Variants in LAMB2 observed in about 807,000 individuals in gnomAD.
The protein encoded by LAMB2 is laminin subunit beta-2.
A neutral mutation model predicts 202.7 loss-of-function variants in LAMB2; 119 were observed. The ratio of observed to expected loss-of-function variants is 0.59; its 90% CI spans 0.51 to 0.68. The LOEUF is 0.68. LAMB2 is among the 30% of genes least tolerant of loss of function. LAMB2 has a pLI of 0.00. For synonymous variants in LAMB2, 818 were observed against 902.2 expected (o/e 0.91, Z 1.67); for missense variants, 2,124 against 2,410.6 (o/e 0.88, Z 2.49).
rs1192112637 is a variant in LAMB2, at chr3:49,125,971, G to A, written c.2340C>T (p.Ala780=). ...ISLSTLIYNG[A]LPCQCNPQGS... ...ACCCACATCACAGACACTCACGCAG[G>A]GCACCATTGTAGATGAGGGTGGACA... is the stretch of plus-strand genomic sequence containing the variant. Residue 780 remains alanine, a synonymous_variant, in exon 17 of 32, where the codon GCC becomes GCT. Coordinates refer to ENST00000305544, the MANE Select transcript of LAMB2 (RefSeq NM_002292.4). 6.2e-7 allele frequency: 1 copy of A among 1,614,042 alleles called. No individual in the cohort carries two copies. The highest frequency in any genetic ancestry group is 1.3e-5 in the African/African-American group (1 of 74,920).
In LAMB2 at chr3:49,129,348, G is replaced by T; in HGVS notation, c.1519-24C>A. On this transcript the variant is annotated intron_variant, in intron 11 of 31. Coordinates refer to ENST00000305544, the MANE Select transcript of LAMB2 (RefSeq NM_002292.4). This position sits in a 1 kb window ranked among gnomAD's most constrained non-coding sequence, Gnocchi z 6.1. ...GGCTGCACGAAAGGAGTTGCTGGGGGCCAGAAACAGACCTCCAGACCCCAT... is the reference window on the plus strand; with the variant it reads ...GGCTGCACGAAAGGAGTTGCTGGGGTCCAGAAACAGACCTCCAGACCCCAT... The T allele has an allele frequency of 6.2e-7, 1 of 1,603,238 alleles. No individual in the cohort carries two copies. The highest frequency in any genetic ancestry group is 8.5e-7 in the Non-Finnish European group (1 of 1,173,176).
Position 49,121,762 on chromosome 3 carries a change from C to T in LAMB2, c.5022G>A (p.Arg1674=). 1 of 1,613,706 alleles carries T rather than the reference C, an allele frequency of 6.2e-7. No individual in the cohort carries two copies. The highest frequency in any genetic ancestry group is 8.5e-7 in the Non-Finnish European group (1 of 1,180,022). ...TAGAGGCTGCCAGACTATTTCCTGC[C>T]CGTTTCAATTTCAGAGCCTCCAGGA... ...DALLEALKLK[R]AGNSLAASTA... The change falls in exon 30 of 32, where the codon CGG becomes CGA. Residue 1674 remains arginine (R), a synonymous_variant. Coordinates refer to ENST00000305544, the MANE Select transcript of LAMB2 (RefSeq NM_002292.4).
At position 49,126,170 on chromosome 3, in the gene LAMB2, G is replaced by A. The variant is rs1202402379; in HGVS notation, c.2152-11C>T. 1.2e-6 allele frequency: 2 copies of A among 1,611,242 alleles called. No homozygotes were observed. Among genetic ancestry groups the A allele is most frequent in the African/African-American group, 2.7e-5 (2 of 75,016 alleles). ...GGGCAGCAGCACCAGCTGAAGGAGT[G>A]AGCAAGGAAGATCGCAGTTCAGACC... On this transcript the variant is annotated splice_polypyrimidine_tract_variant and intron_variant, in intron 16 of 31. Transcript: ENST00000305544.
At position 49,122,067 on chromosome 3, in the gene LAMB2, C is replaced by T. The variant is rs2107630085; in HGVS notation, c.4800G>A (p.Glu1600=). The stretch of plus-strand genomic sequence containing the variant: ...CCTGTACTGTCTCTGCCTTCTGTTT[C>T]TCATCCTCAGCCCAGCTCCTGGGGA... The part of the protein sequence containing the change: ...ARRARSWAED[E]KQKAETVQAA... The change falls in exon 29 of 32, where the codon GAG becomes GAA. Residue 1600 remains glutamate (E), a synonymous_variant. Transcript: ENST00000305544. 6.2e-7 allele frequency: 1 copy of T among 1,613,512 alleles called. No individual in the cohort carries two copies. The highest frequency in any genetic ancestry group is 1.3e-5 in the African/African-American group (1 of 75,040).
At chr3:49,125,529 G>T in intron 18 of LAMB2, 45 bp from the exon 19 acceptor site, 1 of 1,495,120 alleles carries the variant, frequency 6.7e-7, no homozygotes, top group Non-Finnish European at 9.1e-7. Flanking sequence ...GAGGGGGTCT[G>T]AGGGGAGTGT....
At position 49,123,227 on chromosome 3, in the gene LAMB2, C is replaced by T; in HGVS notation, c.4129G>A (p.Glu1377Lys). The T allele has an allele frequency of 1.2e-6, 2 of 1,614,034 alleles. No individual in the cohort carries two copies. Among genetic ancestry groups the T allele is most frequent in the African/African-American group, 1.3e-5 (1 of 75,070 alleles). Residue 1377 changes from glutamate (E) to lysine (K), a missense_variant, in exon 26 of 32, where the codon GAG becomes AAG. Glu to Lys is a moderately conservative substitution (Grantham distance 56). Coordinates refer to ENST00000305544, the MANE Select transcript of LAMB2 (RefSeq NM_002292.4). ...RTEALMDAQK[E>K]DFNSKHMANQ... ...GCCATGTGTTTGCTGTTGAAGTCCT[C>T]CTTCTGAGCATCCATCAGTGCCTCT...
chr3:49,124,709 C>T lies in LAMB2; in HGVS notation c.3101G>A (p.Ser1034Asn), dbSNP rs1215136061. 1 of 1,614,216 alleles carries T rather than the reference C, an allele frequency of 6.2e-7. No individual in the cohort carries two copies. Among genetic ancestry groups the T allele is most frequent in the African/African-American group, 1.3e-5 (1 of 75,066 alleles). The change falls in exon 21 of 32, where the codon AGC becomes AAC. Residue 1034 changes from serine to asparagine, a missense_variant. Ser to Asn is a conservative substitution (Grantham distance 46). Transcript: ENST00000305544. The part of the protein sequence containing the change: ...PGFHGQAARQ[S>N]CHRCTCNLLG... ...CCCACACTCATACTCACGGTGACAG[C>T]TCTGTCGGGCAGCCTGCCCATGGAA...
In LAMB2 at chr3:49,131,567, A is replaced by G; in HGVS notation, c.616T>C (p.Tyr206His). ...HWDDVVCESR[Y>H]SEIEPSTEGE... ...TCAGTGGATGGCTCAATCTCTGAGT[A>G]GCGGGACTCACAGACTACATCATCC... Residue 206 changes from tyrosine to histidine, a missense_variant, in exon 5 of 32, where the codon TAC becomes CAC. Tyr to His is a moderately conservative substitution (Grantham distance 83). Transcript: ENST00000305544. This position sits in a 1 kb window ranked among gnomAD's most constrained non-coding sequence, Gnocchi z 5.0. 1 of 1,613,932 alleles carries G rather than the reference A, an allele frequency of 6.2e-7. No homozygotes were observed. The highest frequency in any genetic ancestry group is 8.5e-7 in the Non-Finnish European group (1 of 1,180,024).
At position 49,130,570 on chromosome 3, in the gene LAMB2, C is replaced by G. The variant is rs929597042; in HGVS notation, c.1037-151G>C. 2.2e-6 allele frequency: 3 copies of G among 1,342,508 alleles called. No homozygotes were observed. The highest frequency in any genetic ancestry group is 2.9e-5 in the African/African-American group (2 of 69,728). The allele number at this position is 1,342,508 out of a possible 1,614,324, so 83.2% of individuals were successfully genotyped here. Reference sequence around the variant, plus strand: ...CCTCAGCATCATACTGGTTCCCTACCCAGAGCAGACTGCAGAGGAGGATTG... The same window carrying G: ...CCTCAGCATCATACTGGTTCCCTACGCAGAGCAGACTGCAGAGGAGGATTG... On this transcript the variant is annotated intron_variant, in intron 8 of 31. Coordinates refer to ENST00000305544, the MANE Select transcript of LAMB2 (RefSeq NM_002292.4). This position sits in a 1 kb window ranked among gnomAD's most constrained non-coding sequence, Gnocchi z 5.0.
At chr3:49,121,633 G>T in intron 30 of LAMB2, 41 bp from the exon 31 acceptor site, 2 of 1,613,982 alleles carry the variant, frequency 1.2e-6, no homozygotes, top group Non-Finnish European at 1.7e-6. Flanking sequence ...TAGCTCAGTG[G>T]AGGCCCATCT....
At chr3:49,121,621 G>C (rs201547491) in intron 30 of LAMB2, 29 bp from the exon 31 acceptor site, 1 of 1,613,896 alleles carries the variant, frequency 6.2e-7, no homozygotes. Flanking sequence ...AGGTTAGCGT[G>C]GTAGCTCAGT....
At chr3:49,122,414 A>C in intron 27 of LAMB2, 44 bp from the exon 28 acceptor site, 1 of 1,577,908 alleles carries the variant, frequency 6.3e-7, no homozygotes, top group Non-Finnish European at 8.7e-7. Flanking sequence ...ATTCTCCAGC[A>C]TGGGCATGAG....
rs1188049883 is a variant in LAMB2, at chr3:49,132,275, T to G, written c.380A>C (p.Glu127Ala). 1 of 1,614,102 alleles carries G rather than the reference T, an allele frequency of 6.2e-7. No homozygotes were observed. The highest frequency in any genetic ancestry group is 1.3e-5 in the African/African-American group (1 of 74,940). Reference sequence around the variant, plus strand: ...TGCCCCACCCATGGCCTCACCATTCTCTGACTGCCACCAGGCTGCCCGCCG... The same window carrying G: ...TGCCCCACCCATGGCCTCACCATTCGCTGACTGCCACCAGGCTGCCCGCCG... ...PQRRAAWWQS[E>A]NGIPAVTIQL... The change falls in exon 3 of 32, where the codon GAG (glutamate) becomes GCG (alanine). Residue 127 changes from glutamate to alanine, a missense_variant. By Grantham distance (107) the Glu-to-Ala change is moderately radical. Around this residue, in one of 3 missense-constraint regions of LAMB2, gnomAD observed 256 missense variants for 356.1 expected, o/e 0.72. Transcript: ENST00000305544. The surrounding 1 kb of genome is among the most constrained non-coding windows in gnomAD (Gnocchi z 4.6).
intron 15 of LAMB2, among the ~76,000 whole-genome samples, chr3:49,127,707 A>C (rs1368422804): frequency 6.6e-6 from 1 of 150,998 alleles, no homozygotes; most frequent in Non-Finnish European, 1.5e-5. Context: ...AAACAAACAA[A>C]CAAACAAACA....
intron 28 of LAMB2, 31 bp from the exon 29 acceptor site, chr3:49,122,116 G>T (rs753292797): frequency 6.2e-7 from 1 of 1,613,282 alleles, no homozygotes; most frequent in South Asian, 1.1e-5. Flanking sequence ...GAACCTGGAG[G>T]TATCAAAACC....
chr3:49,129,954 T>G lies in LAMB2; in HGVS notation c.1290A>C (p.Ala430=). The G allele has an allele frequency of 6.2e-7, 1 of 1,614,016 alleles. No individual in the cohort carries two copies. Among genetic ancestry groups the G allele is most frequent in the Non-Finnish European group, 8.5e-7 (1 of 1,179,986 alleles). The change falls in exon 10 of 32, where the codon GCA becomes GCC. Residue 430 remains alanine (A), a synonymous_variant. Coordinates refer to ENST00000305544, the MANE Select transcript of LAMB2 (RefSeq NM_002292.4). This position sits in a 1 kb window ranked among gnomAD's most constrained non-coding sequence, Gnocchi z 6.1. ...GGRCDSHDDP[A]LGLVSGQCRC... is the part of the protein sequence containing the mutation. ...GACACTGGCCGGAGACCAGTCCCAG[T>G]GCAGGGTCATCATGGGAATCACAGC... is the stretch of plus-strand genomic sequence containing the variant.
Position 49,132,649 on chromosome 3 carries a change from G to T in LAMB2, c.91C>A (p.Leu31Met), listed in dbSNP as rs748625373. 2 of 1,614,022 alleles carry T rather than the reference G, an allele frequency of 1.2e-6. No homozygotes were observed. Among genetic ancestry groups the T allele is most frequent in the South Asian group, 1.1e-5 (1 of 91,084 alleles). ...GLLLSVLAAT[L>M]AQAPAPDVPG... Reference sequence around the variant, plus strand: ...ACATCCGGGGCAGGGGCCTGTGCCAGTGTGGCAGCCAGCACTGGGGACAGT... The same window carrying T: ...ACATCCGGGGCAGGGGCCTGTGCCATTGTGGCAGCCAGCACTGGGGACAGT... Residue 31 changes from leucine to methionine, a missense_variant, in exon 2 of 32, where the codon CTG becomes ATG. Physicochemically the swap from Leu to Met is conservative, Grantham distance 15 (BLOSUM62 2). This residue lies in a region of LAMB2 where 166 missense variants were observed against 158.2 expected (regional missense o/e 1.05). Transcript: ENST00000305544. The surrounding 1 kb of genome is among the most constrained non-coding windows in gnomAD (Gnocchi z 4.6).
In LAMB2 at chr3:49,131,964, C is replaced by CA. The variant is rs2045486612; in HGVS notation, c.459+151dup. The CA allele has an allele frequency of 2.2e-6, 2 of 893,038 alleles. No homozygotes were observed. The highest frequency in any genetic ancestry group is 2.0e-5 in the Admixed American group (1 of 51,234). The allele number at this position is 893,038 out of a possible 1,614,324, so 55.3% of individuals were successfully genotyped here. On this transcript the variant is annotated intron_variant, in intron 4 of 31. Transcript: ENST00000305544. This position sits in a 1 kb window ranked among gnomAD's most constrained non-coding sequence, Gnocchi z 5.0. Reference sequence around the variant, plus strand: ...GATTGGAAAGGCAGAAGAGCATGTGCAAAGGCCTGGAGGCAAATGGAAGGT... The same window carrying CA: ...GATTGGAAAGGCAGAAGAGCATGTGCAAAAGGCCTGGAGGCAAATGGAAGGT...
Position 49,130,965 on chromosome 3 carries a change from G to C in LAMB2, c.900C>G (p.Ala300=). 6.2e-7 allele frequency: 1 copy of C among 1,614,100 alleles called. No individual in the cohort carries two copies. Among genetic ancestry groups the C allele is most frequent in the Non-Finnish European group, 8.5e-7 (1 of 1,180,030 alleles). Residue 300 remains alanine, a synonymous_variant, in exon 7 of 32, where the codon GCC becomes GCG. Coordinates refer to ENST00000305544, the MANE Select transcript of LAMB2 (RefSeq NM_002292.4). This position sits in a 1 kb window ranked among gnomAD's most constrained non-coding sequence, Gnocchi z 5.0. ...AGCCCCTTACCATGCCCTCAGCATG[G>C]GCTGGTGCCCCTGGGGCGGGTGCAC... The part of the protein sequence containing the change: ...SECAPAPGAP[A]HAEGMVHGAC...
Sources: allele counts gnomAD v4.1 joint callset (sites outside exome capture counted in the v4.1 genomes callset), GRCh38; gene constraint gnomAD v4.1.1; regional missense constraint gnomAD v4.1.1; non-coding constraint Gnocchi (gnomAD v3.1); transcripts MANE v1.5; gene names NCBI Gene and HGNC (gene_info 2026-07-23, HGNC 2026-07-21).